The following DMD variants were observed in gnomAD, a reference collection of about 807,000 sequenced individuals.
The protein encoded by DMD is dystrophin.
DMD carries 63 observed loss-of-function variants against 330.1 expected under a neutral mutation model. The ratio of observed to expected loss-of-function variants is 0.19; its 90% confidence interval spans 0.16 to 0.24. The LOEUF (loss-of-function observed/expected upper bound fraction) is 0.24, where lower values mean the gene tolerates loss of function less well. Among genes scored for constraint, DMD ranks in the 10% least tolerant of loss-of-function variants. The probability of loss-of-function intolerance (pLI) is 1.00; values close to 1 mark genes in which losing one functional copy is unlikely to be tolerated. For synonymous variants in DMD, 1,223 were observed against 959.8 expected (o/e 1.27, Z -5.07); for missense variants, 3,344 against 2,684.1 (o/e 1.25, Z -5.43).
rs148304258 is a variant in DMD, at chrX:31,781,033, C to T, written c.7310-6841G>A. On this transcript the variant is annotated intron_variant, in intron 50 of 78. Coordinates refer to ENST00000357033, the MANE Select transcript of DMD (RefSeq NM_004006.3). Reference sequence around the variant, plus strand: ...TTACATTTTAATAGATTCTTTCTTGCTATTAAAAATATAATCCAAATAAAT... The same window carrying T: ...TTACATTTTAATAGATTCTTTCTTGTTATTAAAAATATAATCCAAATAAAT... 2.9e-3 allele frequency among the ~76,000 whole-genome samples: 321 copies of T among 111,951 alleles called. 1 individual carries two copies. Among genetic ancestry groups the T allele is most frequent in the African/African-American group, 9.3e-3 (288 of 30,906 alleles).
intron 1 of DMD, among the ~76,000 whole-genome samples, chrX:33,023,964 T>C (rs1489644642): frequency 3.6e-5 from 4 of 111,908 alleles, no homozygotes; most frequent in Non-Finnish European, 1.9e-5. Context: ...ATTTTTATTT[T>C]AGTATGCTAA....
In DMD at chrX:32,702,848, G is replaced by A. The variant is rs759448702; in HGVS notation, c.650-3555C>T. Among the ~76,000 whole-genome samples, 157 of 111,364 alleles carry A rather than the reference G, an allele frequency of 1.4e-3. 1 individual carries two copies. Among genetic ancestry groups the A allele is most frequent in the Non-Finnish European group, 2.2e-3 (117 of 53,024 alleles). On this transcript the variant is annotated intron_variant, in intron 7 of 78. Transcript: ENST00000357033. The stretch of plus-strand genomic sequence containing the variant: ...GTCTTTGGAAATGCCTATATACAAA[G>A]TTATGTGCTACAGCCTTAGGATATA...
intron 44 of DMD, among the ~76,000 whole-genome samples, chrX:32,099,691 A>G (rs1343309140): frequency 1.1e-5 from 1 of 93,589 alleles, no homozygotes; most frequent in Non-Finnish European, 2.1e-5. Context: ...GAATGGAACA[A>G]TGAGAACACA....
chrX:31,868,906 A>G (rs1037804401), intron 48 of DMD, among the ~76,000 whole-genome samples: 2 of 111,955 alleles, frequency 1.8e-5, no homozygotes, highest in Admixed American at 9.5e-5. Context: ...TACATATTTA[A>G]TGCATAGAAC....
chrX:32,525,050 C>T (rs1033600984), intron 17 of DMD, among the ~76,000 whole-genome samples: 1 of 111,807 alleles, frequency 8.9e-6, no homozygotes, highest in Non-Finnish European at 1.9e-5. Flanking sequence ...TGGAGTTCTT[C>T]CCTTTCATTT....
At chrX:33,280,420 G>C (rs948346678) in intron 1 of DMD, among the ~76,000 whole-genome samples, 6 of 112,162 alleles carry the variant, frequency 5.3e-5, no homozygotes, top group Non-Finnish European at 7.5e-5. Context: ...TCCCAAATAT[G>C]TTCTATTTTT....
intron 67 of DMD, among the ~76,000 whole-genome samples, chrX:31,190,138 G>C (rs140136186): frequency 0.022 from 2,461 of 112,112 alleles, 83 homozygotes; most frequent in African/African-American, 0.076. Flanking sequence ...ACAATGTTTG[G>C]AGTGTCGACC....
At chrX:32,508,238 T>C (rs764270595) in intron 18 of DMD, among the ~76,000 whole-genome samples, 1 of 111,202 alleles carries the variant, frequency 9.0e-6, no homozygotes, top group East Asian at 2.8e-4. Context: ...CAGTCAATGG[T>C]ATCTGCATAT....
At chrX:32,744,502 G>A (rs746413100) in intron 7 of DMD, among the ~76,000 whole-genome samples, 1 of 111,077 alleles carries the variant, frequency 9.0e-6, no homozygotes. Context: ...TTAAGGTTCA[G>A]ATTCATATAC....
chrX:32,568,546 C>G (rs1477910433), intron 15 of DMD, among the ~76,000 whole-genome samples: 1 of 109,433 alleles, frequency 9.1e-6, no homozygotes, highest in African/African-American at 3.3e-5. Flanking sequence ...AAAGTGCACT[C>G]AAGGTAAAGT....
At chrX:32,080,375 T>A (rs1000808717) in intron 44 of DMD, among the ~76,000 whole-genome samples, 9 of 112,114 alleles carry the variant, frequency 8.0e-5, no homozygotes, top group African/African-American at 2.9e-4. Flanking sequence ...ATTAGCCTAA[T>A]ATATGGCTTA....
At chrX:31,201,189 A>G (rs200865537) in intron 67 of DMD, among the ~76,000 whole-genome samples, 9 of 108,022 alleles carry the variant, frequency 8.3e-5, no homozygotes, top group Admixed American at 3.0e-4. Flanking sequence ...ACACACACAC[A>G]CACACACACG....
intron 44 of DMD, among the ~76,000 whole-genome samples, chrX:32,140,504 G>GAT (rs1360866549): frequency 8.9e-6 from 1 of 112,173 alleles, no homozygotes; most frequent in East Asian, 2.8e-4. Context: ...AGTTGATAAG[G>GAT]ATATAGTTTC....
intron 55 of DMD, among the ~76,000 whole-genome samples, chrX:31,519,835 G>T (rs758797668): frequency 1.9e-4 from 21 of 111,829 alleles, no homozygotes; most frequent in Non-Finnish European, 3.9e-4. Flanking sequence ...TGATATAATT[G>T]GATCTGATTC....
rs1040798790 is a variant in DMD at position 32,987,444 on chromosome X, A to G, written c.93+32695T>C. On this transcript the variant is annotated intron_variant, in intron 2 of 78. Transcript: ENST00000357033. ...AATCCAGGAGCCAGATGGCCCACAT[A>G]CCAAGTATAGCAGCCAGACAAAACA... is the stretch of plus-strand genomic sequence containing the variant. Among the ~76,000 whole-genome samples, 3 of 111,433 alleles carry G rather than the reference A, an allele frequency of 2.7e-5. No individual in the cohort carries two copies. In the Admixed American group the frequency reaches 2.9e-4, roughly 11 times the overall value.
In DMD at chrX:32,655,137, T is replaced by A. The variant is rs1415996759; in HGVS notation, c.961-9985A>T. Among the ~76,000 whole-genome samples the A allele has an allele frequency of 2.7e-5, 3 of 111,954 alleles. No homozygotes were observed. The Admixed American group carries it at 2.8e-4, about 11-fold the overall frequency. On this transcript the variant is annotated intron_variant, in intron 9 of 78. Coordinates refer to ENST00000357033, the MANE Select transcript of DMD (RefSeq NM_004006.3). ...AAGGGCTTTTTGTGTCTCTATTTCC[T>A]TCAGTTGGGCTCTGATCTTAGTTAT...
intron 59 of DMD, among the ~76,000 whole-genome samples, chrX:31,463,788 G>A (rs1167911570): frequency 9.0e-6 from 1 of 111,176 alleles, no homozygotes; most frequent in Non-Finnish European, 1.9e-5. Flanking sequence ...TCAGCTTGGT[G>A]CTAAATAATA....
chrX:32,046,100 T>C (rs1286104310), intron 44 of DMD, among the ~76,000 whole-genome samples: 1 of 112,523 alleles, frequency 8.9e-6, no homozygotes, highest in Non-Finnish European at 1.9e-5. Flanking sequence ...TCGTTTTTAA[T>C]CCTAAAGACA....
intron 44 of DMD, among the ~76,000 whole-genome samples, chrX:31,986,927 T>C (rs896721939): frequency 8.9e-6 from 1 of 112,135 alleles, no homozygotes; most frequent in South Asian, 3.7e-4. Flanking sequence ...TCCTGGTAAC[T>C]ATGATAGAAA....
Sources: allele counts gnomAD v4.1 joint callset (sites outside exome capture counted in the v4.1 genomes callset), GRCh38; gene constraint gnomAD v4.1.1; transcripts MANE v1.5; gene names NCBI Gene and HGNC (gene_info 2026-07-23, HGNC 2026-07-21).